The following MAK variants were observed in gnomAD, a reference collection of about 807,000 sequenced individuals.
The protein encoded by MAK is serine/threonine-protein kinase MAK.
MAK carries 65 observed loss-of-function variants against 82.6 expected under a neutral mutation model. The observed-to-expected ratio is 0.79, with a 90% CI of 0.64 to 0.97. MAK has a LOEUF of 0.97. Among genes scored for constraint, MAK ranks in the 50% least tolerant of loss-of-function variants. MAK has a pLI of 0.00. For missense variants in MAK, 703 were observed against 780.2 expected (o/e 0.90, Z 1.18); for synonymous variants, 250 against 274.2 (o/e 0.91, Z 0.87).
chr6:10,814,134 T>C (rs1473126658), intron 4 of MAK, among the ~76,000 whole-genome samples: 6 of 151,988 alleles, frequency 3.9e-5, no homozygotes, highest in Non-Finnish European at 7.4e-5. Context: ...GATGCCTGGC[T>C]AATTTTGTAT....
rs1772198258 is a variant in MAK, at chr6:10,764,362, T to C, written c.*90A>G. 2.2e-6 allele frequency: 3 copies of C among 1,393,116 alleles called. No individual in the cohort carries two copies. Among genetic ancestry groups the C allele is most frequent in the Non-Finnish European group, 3.0e-6 (3 of 1,000,398 alleles). The allele number at this position is 1,393,116 out of a possible 1,614,324, so 86.3% of individuals were successfully genotyped here. A position where few individuals can be genotyped will look rare whatever the true frequency, so the allele number is the denominator to read the frequency against. On this transcript the variant is annotated 3_prime_UTR_variant, in exon 15 of 15. Transcript: ENST00000354489. Reference sequence around the variant, plus strand: ...TTTGCATATTTCTTCCAGAACTCAGTAGAAATAGACATTTGTAGACATTTC... The same window carrying C: ...TTTGCATATTTCTTCCAGAACTCAGCAGAAATAGACATTTGTAGACATTTC...
In MAK at chr6:10,766,702, G is replaced by A. The variant is rs539397318; in HGVS notation, c.1793-2096C>T. 1.0e-3 allele frequency among the ~76,000 whole-genome samples: 155 copies of A among 152,274 alleles called. 3 individuals are homozygous for A. In the South Asian group the frequency reaches 0.032, roughly 31 times the overall value. Reference sequence around the variant, plus strand: ...AGACAGCGTGGGAGGGGAGTAGAGAGCGGGGAGAGAGGCAATAAGCCCCGC... The same window carrying A: ...AGACAGCGTGGGAGGGGAGTAGAGAACGGGGAGAGAGGCAATAAGCCCCGC... On this transcript the variant is annotated intron_variant, in intron 14 of 14. Coordinates refer to ENST00000354489, the MANE Select transcript of MAK (RefSeq NM_001242957.3).
At chr6:10,822,783 C>T (rs1379046510) in intron 2 of MAK, among the ~76,000 whole-genome samples, 1 of 152,268 alleles carries the variant, frequency 6.6e-6, no homozygotes, top group East Asian at 1.9e-4. Context: ...AAATCAACTT[C>T]AGAAATAGAA....
At chr6:10,818,966 T>C (rs773545979) in intron 2 of MAK, 26 bp from the exon 3 acceptor site, 22 of 1,321,030 alleles carry the variant, frequency 1.7e-5, no homozygotes, top group Non-Finnish European at 1.7e-5. Context: ...GAAAGTTTAG[T>C]GTTCAGGGAT....
intron 14 of MAK, among the ~76,000 whole-genome samples, chr6:10,765,561 G>A (rs2127502835): frequency 6.6e-6 from 1 of 150,922 alleles, no homozygotes; most frequent in East Asian, 1.9e-4. Flanking sequence ...CCGGGTTCAA[G>A]TGATTCTCTT....
chr6:10,795,917 C>A, intron 9 of MAK, 81 bp downstream of exon 9: 1 of 1,453,414 alleles, frequency 6.9e-7, no homozygotes, highest in East Asian at 2.3e-5. Context: ...TCTTTTCCAA[C>A]ATTATTAGAA....
chr6:10,813,918 G>T (rs894199868), intron 4 of MAK, among the ~76,000 whole-genome samples, 195 bp from the exon 5 acceptor site: 3 of 152,006 alleles, frequency 2.0e-5, no homozygotes, highest in Non-Finnish European at 2.9e-5. Flanking sequence ...TTGATGTGAG[G>T]TAAAAACTCA....
intron 5 of MAK, among the ~76,000 whole-genome samples, chr6:10,812,432 G>T (rs1452945282): frequency 2.0e-5 from 3 of 152,070 alleles, no homozygotes; most frequent in African/African-American, 7.2e-5. Flanking sequence ...TACATTAATT[G>T]AAGTACATAA....
At chr6:10,804,060 C>T (rs1305276232) in intron 6 of MAK, among the ~76,000 whole-genome samples, 169 bp from the exon 7 acceptor site, 1 of 152,126 alleles carries the variant, frequency 6.6e-6, no homozygotes, top group Non-Finnish European at 1.5e-5. Flanking sequence ...TAATAGGACA[C>T]AACACATGTT....
At chr6:10,796,928 A>G (rs2127549814) in intron 8 of MAK, among the ~76,000 whole-genome samples, 1 of 152,324 alleles carries the variant, frequency 6.6e-6, no homozygotes, top group East Asian at 1.9e-4. Flanking sequence ...AATGTAATTT[A>G]TAGACATTGG....
At chr6:10,766,914 G>T (rs954424066) in intron 14 of MAK, among the ~76,000 whole-genome samples, 6 of 147,880 alleles carry the variant, frequency 4.1e-5, no homozygotes, top group African/African-American at 1.6e-4. Context: ...TTTCAAGAGG[G>T]AATCATTTTG....
chr6:10,798,042 T>A, intron 8 of MAK: 2 of 814,080 alleles, frequency 2.5e-6, no homozygotes, highest in Non-Finnish European at 3.0e-6. Context: ...AAATTAATGA[T>A]GCATATTTTG....
chr6:10,810,743 C>T (rs1776866005), intron 5 of MAK, among the ~76,000 whole-genome samples: 2 of 152,092 alleles, frequency 1.3e-5, no homozygotes, highest in Non-Finnish European at 2.9e-5. Context: ...TGAGTTTATC[C>T]AGTACTTCTT....
intron 4 of MAK, 146 bp downstream of exon 4, chr6:10,817,704 T>C: frequency 1.7e-6 from 1 of 593,896 alleles, no homozygotes; most frequent in Non-Finnish European, 2.8e-6. Flanking sequence ...GTGTTAAATG[T>C]TACCCTTTGA....
At chr6:10,813,444 C>T (rs561474265) in intron 5 of MAK, among the ~76,000 whole-genome samples, 200 bp downstream of exon 5, 2 of 151,576 alleles carry the variant, frequency 1.3e-5, no homozygotes, top group South Asian at 2.1e-4. Context: ...CGTGAGCCAC[C>T]GTGCCAGCCA....
intron 14 of MAK, among the ~76,000 whole-genome samples, chr6:10,769,240 T>G (rs978164185): frequency 4.6e-5 from 7 of 152,164 alleles, no homozygotes; most frequent in Non-Finnish European, 1.0e-4. Flanking sequence ...AATAAATAAA[T>G]TAAACTACAA....
chr6:10,773,076 A>G lies in MAK; in HGVS notation c.1630T>C (p.Ser544Pro), dbSNP rs1386329548. 6.5e-7 allele frequency: 1 copy of G among 1,530,666 alleles called. No individual in the cohort carries two copies. The allele number at this position is 1,530,666 out of a possible 1,614,324, so 94.8% of individuals were successfully genotyped here. Reference sequence around the variant, plus strand: ...TTTTCAGGAAAAGTTTCATTGCATGATAGTTTTTCGATTGGTTTAATTATG... The same window carrying G: ...TTTTCAGGAAAAGTTTCATTGCATGGTAGTTTTTCGATTGGTTTAATTATG... ...ESIIKPIEKL[S>P]CNETFPEKLE... The change falls in exon 13 of 15, where the codon TCA (serine) becomes CCA (proline). Residue 544 changes from serine (S) to proline (P), a missense_variant. Ser to Pro is a moderately conservative substitution (Grantham distance 74). Transcript: ENST00000354489.
chr6:10,772,979 A>G (rs1773152572), intron 13 of MAK, 55 bp downstream of exon 13: 1 of 1,208,126 alleles, frequency 8.3e-7, no homozygotes, highest in Non-Finnish European at 1.2e-6. Flanking sequence ...TTGAGAAGAA[A>G]ATCAGACAAG....
intron 11 of MAK, among the ~76,000 whole-genome samples, chr6:10,783,441 A>T (rs960262356): frequency 7.9e-5 from 12 of 151,988 alleles, no homozygotes; most frequent in African/African-American, 2.9e-4. Context: ...TCCTCTTCTA[A>T]TCTTCCCTTT....
Sources: gnomAD v4.1 joint callset for allele counts (sites outside exome capture counted in the v4.1 genomes callset) on GRCh38, gnomAD v4.1.1 for gene constraint, MANE v1.5 for transcripts, NCBI Gene and HGNC (gene_info 2026-07-23, HGNC 2026-07-21) for gene names.